Variants in NTPCR observed in about 807,000 individuals in gnomAD.
NTPCR encodes nucleoside-triphosphatase, cancer-related, also known as cancer-related nucleoside-triphosphatase.
Under a neutral mutation model 19.5 loss-of-function variants are expected in NTPCR, and 15 were observed. The observed-to-expected ratio is 0.77, with a 90% confidence interval of 0.51 to 1.18. NTPCR has a LOEUF of 1.18. Among genes scored for constraint, NTPCR ranks in the 50% most tolerant of loss-of-function variants. NTPCR has a pLI of 0.00. For missense variants in NTPCR, 206 were observed against 240.4 expected (o/e 0.86, Z 0.95); for synonymous variants, 90 against 95.8 (o/e 0.94, Z 0.36).
chr1:232,971,494 C>T (rs1463000724), intron 4 of NTPCR, among the ~76,000 whole-genome samples: 1 of 152,080 alleles, frequency 6.6e-6, no homozygotes, highest in East Asian at 1.9e-4. Flanking sequence ...TAGGGTTAGA[C>T]CAGCCAGACT....
rs2102763183 is a variant in NTPCR at position 232,978,325 on chromosome 1, A to T, written c.*94A>T. 9 of 1,013,696 alleles carry T rather than the reference A, an allele frequency of 8.9e-6. No individual in the cohort carries two copies. The South Asian group carries it at 1.2e-4, about 13-fold the overall frequency. 62.8% of individuals were successfully genotyped at this position (1,013,696 alleles called of 1,614,324 possible). On this transcript the variant is annotated 3_prime_UTR_variant, in exon 5 of 5. Coordinates refer to ENST00000366628, the MANE Select transcript of NTPCR (RefSeq NM_032324.3). ...GTCGAGGCTGTATGCCTATGGGGTTATGGAACCTTGTGGGCTTTTCTAGAG... is the reference window on the plus strand; with the variant it reads ...GTCGAGGCTGTATGCCTATGGGGTTTTGGAACCTTGTGGGCTTTTCTAGAG...
rs1669332095 is a variant in NTPCR at position 232,983,311 on chromosome 1, G to T, written c.*5080G>T. The T allele has an allele frequency of 6.6e-6, 1 of 152,204 alleles. No individual in the cohort carries two copies. The highest frequency in any genetic ancestry group is 2.1e-4 in the South Asian group (1 of 4,832). The allele number at this position is 152,204 out of a possible 1,614,324, so 9.4% of individuals were successfully genotyped here. On this transcript the variant is annotated 3_prime_UTR_variant, in exon 5 of 5. Transcript: ENST00000366628. ...GACCTCTACCCCAGCAAGGATACAGGTTCCTGGGGTCTTGAAGATGGGAAA... is the reference window on the plus strand; with the variant it reads ...GACCTCTACCCCAGCAAGGATACAGTTTCCTGGGGTCTTGAAGATGGGAAA...
At chr1:232,969,713 C>T (rs1303627377) in intron 3 of NTPCR, 196 bp from the exon 4 acceptor site, 4 of 519,248 alleles carry the variant, frequency 7.7e-6, no homozygotes, top group African/African-American at 3.8e-5. Context: ...TGATTCCCAG[C>T]TCCTGGGACT....
chr1:232,953,205 C>A (rs372101973), intron 1 of NTPCR, among the ~76,000 whole-genome samples: 324 of 151,950 alleles, frequency 2.1e-3, no homozygotes, highest in African/African-American at 7.6e-3. Flanking sequence ...TGTCACTGCC[C>A]AGGTTAAACT....
At chr1:232,964,582 T>C (rs1668762499) in intron 3 of NTPCR, 1 of 152,218 alleles carries the variant, frequency 6.6e-6, no homozygotes, top group Admixed American at 6.5e-5. Flanking sequence ...CAGATTTAAC[T>C]ACTCTCTTTT....
In NTPCR at chr1:232,978,240, GCA is replaced by G; in HGVS notation, c.*10_*11del. ...AGAGCAGCAGGAAGTGAAGACACGT[GCA>G]TTCCTGCCTTCCGTGAAGGAGTGCC... On this transcript the variant is annotated 3_prime_UTR_variant, in exon 5 of 5. Coordinates refer to ENST00000366628, the MANE Select transcript of NTPCR (RefSeq NM_032324.3). 1 of 1,612,984 alleles carries G rather than the reference GCA, an allele frequency of 6.2e-7. No homozygotes were observed. Among genetic ancestry groups the G allele is most frequent in the African/African-American group, 1.3e-5 (1 of 75,040 alleles).
chr1:232,976,875 G>A (rs770977791), intron 4 of NTPCR: 6 of 190,874 alleles, frequency 3.1e-5, no homozygotes, highest in Non-Finnish European at 6.5e-5. Context: ...TCCTCTTGGG[G>A]TACAGATCTC....
At chr1:232,970,768 C>T (rs1668953427) in intron 4 of NTPCR, among the ~76,000 whole-genome samples, 1 of 152,220 alleles carries the variant, frequency 6.6e-6, no homozygotes, top group Admixed American at 6.5e-5. Context: ...TTTGGATTCT[C>T]AGTCACACTG....
intron 3 of NTPCR, chr1:232,967,868 G>A (rs1323525467): frequency 1.3e-5 from 2 of 152,286 alleles, no homozygotes; most frequent in Admixed American, 6.5e-5. Context: ...GGGAACAGTC[G>A]GGTCAGTTGG....
rs1669353606 is a variant in NTPCR at position 232,983,878 on chromosome 1, T to C, written c.*5647T>C. 1 of 155,596 alleles carries C rather than the reference T, an allele frequency of 6.4e-6. No homozygotes were observed. The highest frequency in any genetic ancestry group is 3.1e-3 in the Middle Eastern group (1 of 324). 9.6% of individuals were successfully genotyped at this position (155,596 alleles called of 1,614,324 possible). On this transcript the variant is annotated 3_prime_UTR_variant, in exon 5 of 5. Transcript: ENST00000366628. ...ACAGTAATGTATAAAGTGCCGATGA[T>C]GTAACATGCAGTTGTCTTATTTTCA... is the stretch of plus-strand genomic sequence containing the variant.
At position 232,955,758 on chromosome 1, in the gene NTPCR, G is replaced by A. The variant is rs373660416; in HGVS notation, c.197+39G>A. 24 of 1,591,972 alleles carry A rather than the reference G, an allele frequency of 1.5e-5. No individual in the cohort carries two copies. The African/African-American group carries it at 2.0e-4, about 13-fold the overall frequency. On this transcript the variant is annotated intron_variant, in intron 2 of 4. Coordinates refer to ENST00000366628, the MANE Select transcript of NTPCR (RefSeq NM_032324.3). ...ATTTCTGTGGTGTTCTATTATCTAA[G>A]CTCCCCTTCCATCTGTGCTTTGGGA...
Position 232,978,160 on chromosome 1 carries a change from C to T in NTPCR, c.505-3C>T. 3 of 1,613,526 alleles carry T rather than the reference C, an allele frequency of 1.9e-6. No homozygotes were observed. The highest frequency in any genetic ancestry group is 2.2e-5 in the South Asian group (2 of 91,044). On this transcript the variant is annotated splice_polypyrimidine_tract_variant and splice_region_variant and intron_variant, in intron 4 of 4. Transcript: ENST00000366628. ...AAGCCTGTTCTCTCACTTCTTCCCA[C>T]AGGTCACCAAGGAAAACAGAAACCA... is the stretch of plus-strand genomic sequence containing the variant.
chr1:232,975,895 T>C (rs1054370066), intron 4 of NTPCR, among the ~76,000 whole-genome samples: 1 of 152,206 alleles, frequency 6.6e-6, no homozygotes, highest in Non-Finnish European at 1.5e-5. Flanking sequence ...AAATTCTGGC[T>C]GTTGAATAAA....
Position 232,982,369 on chromosome 1 carries a change from T to G in NTPCR, c.*4138T>G, listed in dbSNP as rs1033281998. 1.3e-5 allele frequency: 2 copies of G among 152,366 alleles called. No homozygotes were observed. Among genetic ancestry groups the G allele is most frequent in the African/African-American group, 2.4e-5 (1 of 41,580 alleles). 9.4% of individuals were successfully genotyped at this position (152,366 alleles called of 1,614,324 possible). A position where few individuals can be genotyped will look rare whatever the true frequency, so the allele number is the denominator to read the frequency against. On this transcript the variant is annotated 3_prime_UTR_variant, in exon 5 of 5. Coordinates refer to ENST00000366628, the MANE Select transcript of NTPCR (RefSeq NM_032324.3). ...GCGGATGTGTGTGCACATCTGTGCC[T>G]CGGTATGCACACTCGAGATGCCCGC...
In NTPCR at chr1:232,969,940, T is replaced by A. The variant is rs757206387; in HGVS notation, c.326T>A (p.Val109Glu). The A allele has an allele frequency of 9.3e-6, 15 of 1,613,952 alleles. No homozygotes were observed. The East Asian group carries it at 2.9e-4, about 31-fold the overall frequency. ...TGCAGCAGTGGCCCAGGGCAAAGAGTGTGCGTCATCGATGAGATTGGGAAG... is the reference window on the plus strand; with the variant it reads ...TGCAGCAGTGGCCCAGGGCAAAGAGAGTGCGTCATCGATGAGATTGGGAAG... The part of the protein sequence containing the change: ...ADCSSGPGQR[V>E]CVIDEIGKME... The change falls in exon 4 of 5, where the codon GTG becomes GAG. Residue 109 changes from valine to glutamate, a missense_variant. Transcript: ENST00000366628.
At chr1:232,955,855 CT>C in intron 2 of NTPCR, 136 bp downstream of exon 2, 1 of 808,500 alleles carries the variant, frequency 1.2e-6, no homozygotes, top group Non-Finnish European at 2.0e-6. Context: ...TCTGCTTTCC[CT>C]TTAGGTTGAG....
At chr1:232,963,047 C>G (rs1220276023) in intron 3 of NTPCR, 1 of 152,202 alleles carries the variant, frequency 6.6e-6, no homozygotes, top group African/African-American at 2.4e-5. Context: ...GCTAGAATTT[C>G]TGTCATTGCT....
At chr1:232,952,658 G>A (rs1668401756) in intron 1 of NTPCR, among the ~76,000 whole-genome samples, 1 of 150,658 alleles carries the variant, frequency 6.6e-6, no homozygotes, top group Non-Finnish European at 1.5e-5. Flanking sequence ...CTACAGGCAT[G>A]CACCACCATG....
At chr1:232,955,407 A>T (rs1283144759) in intron 1 of NTPCR, 150 bp from the exon 2 acceptor site, 1 of 557,806 alleles carries the variant, frequency 1.8e-6, no homozygotes, top group East Asian at 3.3e-5. Flanking sequence ...TCAAAATTAA[A>T]TTGAAGTTCA....
Sources: allele counts gnomAD v4.1 joint callset (sites outside exome capture counted in the v4.1 genomes callset), GRCh38; gene constraint gnomAD v4.1.1; transcripts MANE v1.5; gene names NCBI Gene and HGNC (gene_info 2026-07-23, HGNC 2026-07-21).